Variants in PIP4K2A observed in about 807,000 individuals in gnomAD.
PIP4K2A encodes phosphatidylinositol 5-phosphate 4-kinase type-2 alpha.
PIP4K2A carries 14 observed loss-of-function variants against 42.9 expected under a neutral mutation model. That is an observed-to-expected ratio of 0.33 (90% CI 0.22 to 0.51). The LOEUF is 0.51. Among genes scored for constraint, PIP4K2A ranks in the 20% least tolerant of loss-of-function variants. PIP4K2A has a pLI of 0.97. For missense variants in PIP4K2A, 434 were observed against 519.8 expected (o/e 0.83, Z 1.61); for synonymous variants, 192 against 192.2 (o/e 1.00, Z 0.01).
intron 3 of PIP4K2A, among the ~76,000 whole-genome samples, chr10:22,603,426 A>C (rs893198436): frequency 2.0e-5 from 3 of 152,064 alleles, no homozygotes; most frequent in Non-Finnish European, 4.4e-5. Flanking sequence ...TCTTCATGAA[A>C]ATCTGCACCC....
intron 1 of PIP4K2A, among the ~76,000 whole-genome samples, chr10:22,641,015 C>T (rs555509731): frequency 2.0e-4 from 30 of 152,274 alleles, no homozygotes; most frequent in Non-Finnish European, 4.0e-4. Flanking sequence ...CCTCCAATTA[C>T]ATTATCAAGC....
rs370820884 is a variant in PIP4K2A at position 22,664,228 on chromosome 10, TAC to T, written c.144+49953_144+49954del. On this transcript the variant is annotated intron_variant, in intron 1 of 9. Coordinates refer to ENST00000376573, the MANE Select transcript of PIP4K2A (RefSeq NM_005028.5). ...ACATATATATATATACATATATATA[TAC>T]ACACACACACACACACACACATATA... Among the ~76,000 whole-genome samples the T allele has an allele frequency of 6.3e-3, 565 of 89,840 alleles. 20 individuals carry two copies. Among genetic ancestry groups the T allele is most frequent in the South Asian group, 5.5e-3 (18 of 3,300 alleles). 58.9% of individuals were successfully genotyped at this position (89,840 alleles called of 152,430 possible). A position where few individuals can be genotyped will look rare whatever the true frequency, so the allele number is the denominator to read the frequency against.
At chr10:22,623,882 T>A (rs1212406177) in intron 1 of PIP4K2A, among the ~76,000 whole-genome samples, 1 of 152,176 alleles carries the variant, frequency 6.6e-6, no homozygotes, top group African/African-American at 2.4e-5. Context: ...ATCAGTCACA[T>A]GATGAGGTCA....
intron 1 of PIP4K2A, among the ~76,000 whole-genome samples, chr10:22,658,853 C>T (rs1464197547): frequency 6.6e-6 from 1 of 152,184 alleles, no homozygotes; most frequent in Non-Finnish European, 1.5e-5. Context: ...AGAAAAGTTA[C>T]GTAACTCACC....
chr10:22,620,378 G>A (rs923890030), intron 1 of PIP4K2A, among the ~76,000 whole-genome samples: 4 of 152,136 alleles, frequency 2.6e-5, no homozygotes, highest in Admixed American at 6.5e-5. Flanking sequence ...AGCTTACAAC[G>A]TGGTCCATTC....
chr10:22,694,387 T>C (rs1839929582), intron 1 of PIP4K2A: 1 of 152,234 alleles, frequency 6.6e-6, no homozygotes, highest in African/African-American at 2.4e-5. Context: ...AATTTATTCA[T>C]GTAGGGCTAC....
chr10:22,567,472 C>T (rs1836871981), intron 6 of PIP4K2A: 1 of 428,234 alleles, frequency 2.3e-6, no homozygotes, highest in South Asian at 2.0e-5. Flanking sequence ...TTCAGGGTCA[C>T]ATTCGGTTTG....
chr10:22,684,823 A>G (rs1432295711), intron 1 of PIP4K2A, among the ~76,000 whole-genome samples: 1 of 152,176 alleles, frequency 6.6e-6, no homozygotes. Context: ...CGCCCTGCCA[A>G]GTCATCTGAA....
chr10:22,664,462 T>G (rs570889286), intron 1 of PIP4K2A, among the ~76,000 whole-genome samples: 12 of 151,328 alleles, frequency 7.9e-5, no homozygotes, highest in African/African-American at 2.9e-4. Context: ...CAGAATTACT[T>G]TTTCTTGGTG....
intron 1 of PIP4K2A, among the ~76,000 whole-genome samples, chr10:22,697,523 C>G (rs1418442551): frequency 6.6e-6 from 1 of 152,042 alleles, no homozygotes. Context: ...CAAGACTATC[C>G]TACTAGGCAA....
At chr10:22,577,386 G>A (rs1837149291) in intron 4 of PIP4K2A, among the ~76,000 whole-genome samples, 1 of 152,066 alleles carries the variant, frequency 6.6e-6, no homozygotes, top group Admixed American at 6.5e-5. Context: ...GGGTCATGGG[G>A]GTGGGTCCCT....
chr10:22,664,988 A>G (rs1839320273), intron 1 of PIP4K2A, among the ~76,000 whole-genome samples: 4 of 148,560 alleles, frequency 2.7e-5, no homozygotes, highest in African/African-American at 1.0e-4. Flanking sequence ...ATAGAGAAAA[A>G]TAAGGAAAAA....
chr10:22,623,281 CTG>C (rs1165555920), intron 1 of PIP4K2A, among the ~76,000 whole-genome samples: 1 of 151,922 alleles, frequency 6.6e-6, no homozygotes, highest in Non-Finnish European at 1.5e-5. Flanking sequence ...TGAAGCTCAC[CTG>C]TAATGGTGAG....
chr10:22,577,852 C>A (rs1255705250), intron 4 of PIP4K2A, among the ~76,000 whole-genome samples: 1 of 152,180 alleles, frequency 6.6e-6, no homozygotes, highest in African/African-American at 2.4e-5. Context: ...CACAAAACGC[C>A]CTCTCAATTG....
chr10:22,608,749 C>T (rs1188557015), intron 2 of PIP4K2A, among the ~76,000 whole-genome samples: 1 of 152,130 alleles, frequency 6.6e-6, no homozygotes, highest in Non-Finnish European at 1.5e-5. Flanking sequence ...TGGTAACCTG[C>T]ACCCGTAGTC....
intron 3 of PIP4K2A, among the ~76,000 whole-genome samples, chr10:22,596,109 G>A (rs921394684): frequency 6.8e-5 from 10 of 147,726 alleles, no homozygotes; most frequent in African/African-American, 2.0e-4. Flanking sequence ...GGAGGCTGAG[G>A]CAGGAGAATC....
intron 1 of PIP4K2A, among the ~76,000 whole-genome samples, chr10:22,652,213 G>A (rs1588686676): frequency 6.6e-6 from 1 of 151,922 alleles, no homozygotes; most frequent in Non-Finnish European, 1.5e-5. Flanking sequence ...TGCCTCCTAG[G>A]TTCAAGCCAA....
chr10:22,687,079 A>G (rs1364666132), intron 1 of PIP4K2A, among the ~76,000 whole-genome samples: 1 of 151,966 alleles, frequency 6.6e-6, no homozygotes, highest in East Asian at 1.9e-4. Context: ...TGATATGCTC[A>G]TGATGCGGCA....
At chr10:22,556,210 G>A (rs1836542014) in intron 6 of PIP4K2A, among the ~76,000 whole-genome samples, 1 of 152,130 alleles carries the variant, frequency 6.6e-6, no homozygotes, top group Non-Finnish European at 1.5e-5. Flanking sequence ...GGAACACAGA[G>A]GGCACATGAG....
Sources: gnomAD v4.1 joint callset for allele counts (sites outside exome capture counted in the v4.1 genomes callset) on GRCh38, gnomAD v4.1.1 for gene constraint, MANE v1.5 for transcripts, NCBI Gene and HGNC (gene_info 2026-07-23, HGNC 2026-07-21) for gene names.